The following SMC5 variants were observed in gnomAD, a reference collection of about 807,000 sequenced individuals.
SMC5 encodes structural maintenance of chromosomes protein 5.
Under a neutral mutation model 148.3 loss-of-function variants are expected in SMC5, and 88 were observed. The ratio of observed to expected loss-of-function variants is 0.59; its 90% confidence interval spans 0.50 to 0.71. SMC5 has a LOEUF of 0.71. SMC5 is among the 30% of genes least tolerant of loss of function. The pLI, the probability that SMC5 is intolerant of heterozygous loss-of-function variation, is 0.00. For missense variants in SMC5, 1,142 were observed against 1,298.9 expected (o/e 0.88, Z 1.86); for synonymous variants, 421 against 432.8 (o/e 0.97, Z 0.34).
intron 8 of SMC5, among the ~76,000 whole-genome samples, chr9:70,287,575 T>C (rs2034942420): frequency 6.6e-6 from 1 of 152,216 alleles, no homozygotes; most frequent in Non-Finnish European, 1.5e-5. Context: ...TTTCTGATGG[T>C]TGAAGCATGG....
Position 70,344,198 on chromosome 9 carries a change from G to T in SMC5, c.2452G>T (p.Glu818Ter). Residue 818 changes from glutamate to a stop codon, truncating the protein, a stop_gained, in exon 18 of 25, where the codon GAA (glutamate) becomes TAA (stop). Transcript: ENST00000361138. LOFTEE classifies it high-confidence loss of function. ...ACAGAGATTATTGCAGAAATGCAAG[G>T]AACTTATGAAAAGAGCTAGGCAAGT... ...NRQRLLQKCK[E>*]LMKRARQVCN... is the part of the protein sequence containing the mutation. The T allele has an allele frequency of 6.4e-7, 1 of 1,561,134 alleles. No homozygotes were observed. The highest frequency in any genetic ancestry group is 1.2e-5 in the South Asian group (1 of 81,754).
At chr9:70,326,812 A>G (rs1207395652) in intron 17 of SMC5, among the ~76,000 whole-genome samples, 3 of 152,084 alleles carry the variant, frequency 2.0e-5, no homozygotes, top group African/African-American at 7.2e-5. Context: ...CCTAACAGAG[A>G]AAAATTATTC....
chr9:70,311,504 C>T (rs1245558919), intron 11 of SMC5: 1 of 152,060 alleles, frequency 6.6e-6, no homozygotes, highest in Non-Finnish European at 1.5e-5. Context: ...AAATATGACA[C>T]AGAGACACAA....
intron 17 of SMC5, among the ~76,000 whole-genome samples, chr9:70,338,171 A>G (rs2036416145): frequency 6.6e-6 from 1 of 151,982 alleles, no homozygotes; most frequent in African/African-American, 2.4e-5. Context: ...TGCATGCCAC[A>G]CACCTGGCTA....
intron 20 of SMC5, among the ~76,000 whole-genome samples, 169 bp downstream of exon 20, chr9:70,347,330 T>A (rs1245195694): frequency 1.3e-5 from 2 of 152,240 alleles, no homozygotes; most frequent in Non-Finnish European, 2.9e-5. Flanking sequence ...AATGCCAGAT[T>A]CTGAATCTAT....
intron 1 of SMC5, among the ~76,000 whole-genome samples, chr9:70,260,813 G>A (rs2034102291): frequency 6.6e-6 from 1 of 152,178 alleles, no homozygotes. Flanking sequence ...CATGATCAGG[G>A]CTCCGTGAAG....
At chr9:70,294,757 A>G (rs1018599115) in intron 8 of SMC5, among the ~76,000 whole-genome samples, 1 of 152,188 alleles carries the variant, frequency 6.6e-6, no homozygotes, top group African/African-American at 2.4e-5. Context: ...GGCTGAGGAA[A>G]GGTTAAGGAA....
chr9:70,293,410 G>A (rs2035116520), intron 8 of SMC5, among the ~76,000 whole-genome samples: 1 of 148,658 alleles, frequency 6.7e-6, no homozygotes, highest in Non-Finnish European at 1.5e-5. Flanking sequence ...CAAGGAGGCA[G>A]CTGTTTGTTT....
In SMC5 at chr9:70,354,566, A is replaced by G. The variant is rs1587729034; in HGVS notation, c.*2235A>G. 1.3e-5 allele frequency: 2 copies of G among 152,362 alleles called. No homozygotes were observed. Among genetic ancestry groups the G allele is most frequent in the Middle Eastern group, 3.4e-3 (1 of 294 alleles). 9.4% of individuals were successfully genotyped at this position (152,362 alleles called of 1,614,324 possible). ...TTACATAAAAATCGTAAAAACTTCT[A>G]GTAAAAACTTGATTTGGTGAATACA... is the stretch of plus-strand genomic sequence containing the variant. On this transcript the variant is annotated 3_prime_UTR_variant, in exon 25 of 25. Coordinates refer to ENST00000361138, the MANE Select transcript of SMC5 (RefSeq NM_015110.4).
intron 24 of SMC5, 116 bp from the exon 25 acceptor site, chr9:70,352,075 A>G: frequency 9.8e-7 from 1 of 1,018,278 alleles, no homozygotes; most frequent in Non-Finnish European, 1.4e-6. Flanking sequence ...AGTGGGAAAA[A>G]AAAAGTTTTA....
chr9:70,273,703 A>C (rs2034511437), intron 3 of SMC5, among the ~76,000 whole-genome samples: 1 of 152,102 alleles, frequency 6.6e-6, no homozygotes, highest in Non-Finnish European at 1.5e-5. Context: ...CATAATTAGA[A>C]GTTGTTTCTA....
At chr9:70,302,547 T>G (rs929307720) in intron 10 of SMC5, among the ~76,000 whole-genome samples, 6 of 151,804 alleles carry the variant, frequency 4.0e-5, no homozygotes, top group Non-Finnish European at 8.8e-5. Flanking sequence ...GGCATGTGCC[T>G]CTAGTCCCAG....
In SMC5 at chr9:70,259,271, G is replaced by T; in HGVS notation, c.185+8G>T. On this transcript the variant is annotated splice_region_variant and intron_variant, in intron 1 of 24. Transcript: ENST00000361138. The stretch of plus-strand genomic sequence containing the variant: ...CTCGATGGAGAACTTCCTGTAAGTT[G>T]CCCGGAGGCCGCGCCGCGGGTGTGG... 1.3e-6 allele frequency: 2 copies of T among 1,566,050 alleles called. No individual in the cohort carries two copies. Among genetic ancestry groups the T allele is most frequent in the Admixed American group, 1.9e-5 (1 of 53,390 alleles).
At chr9:70,290,818 A>G (rs2035037189) in intron 8 of SMC5, among the ~76,000 whole-genome samples, 1 of 152,216 alleles carries the variant, frequency 6.6e-6, no homozygotes, top group Non-Finnish European at 1.5e-5. Context: ...AATCTGACTG[A>G]GTTTCAATGT....
At chr9:70,311,471 TAAAC>T (rs758232829) in intron 11 of SMC5, 3 of 152,072 alleles carry the variant, frequency 2.0e-5, no homozygotes, top group Admixed American at 6.5e-5. Context: ...ACAACAATAA[TAAAC>T]AAGTTGGGAG....
chr9:70,297,656 A>G (rs1257317551), intron 8 of SMC5, among the ~76,000 whole-genome samples: 4 of 152,198 alleles, frequency 2.6e-5, no homozygotes, highest in Non-Finnish European at 5.9e-5. Context: ...TATAGTATGT[A>G]CTTCCTGTAA....
rs148865221 is a variant in SMC5, at chr9:70,281,748, C to T, written c.820-674C>T. On this transcript the variant is annotated intron_variant, in intron 6 of 24. Transcript: ENST00000361138. ...CATGATTCTTAAATTTTCCTTTCTTCGGCTTTTCTAAATTTTATTTTTCCT... is the reference window on the plus strand; with the variant it reads ...CATGATTCTTAAATTTTCCTTTCTTTGGCTTTTCTAAATTTTATTTTTCCT... Among the ~76,000 whole-genome samples the T allele has an allele frequency of 4.6e-3, 707 of 152,242 alleles. 2 individuals carry two copies. Among genetic ancestry groups the T allele is most frequent in the Non-Finnish European group, 7.4e-3 (505 of 67,988 alleles).
intron 3 of SMC5, among the ~76,000 whole-genome samples, chr9:70,269,713 GA>G (rs768443167): frequency 1.3e-5 from 2 of 152,210 alleles, no homozygotes; most frequent in African/African-American, 2.4e-5. Flanking sequence ...AAATGTGCCA[GA>G]AAACCCAAGG....
chr9:70,328,068 C>T (rs755060729), intron 17 of SMC5, among the ~76,000 whole-genome samples: 1 of 151,934 alleles, frequency 6.6e-6, no homozygotes, highest in Non-Finnish European at 1.5e-5. Flanking sequence ...GGAATCCGCC[C>T]CCATTATCCA....
Sources: allele counts gnomAD v4.1 joint callset (sites outside exome capture counted in the v4.1 genomes callset), GRCh38; gene constraint gnomAD v4.1.1; transcripts MANE v1.5; gene names NCBI Gene and HGNC (gene_info 2026-07-23, HGNC 2026-07-21).